Variants in UBE4B observed in about 807,000 individuals in gnomAD.
The protein encoded by UBE4B is ubiquitination factor E4B, also known as ubiquitin conjugation factor E4 B.
A neutral mutation model predicts 148.1 loss-of-function variants in UBE4B; 27 were observed. That is an observed-to-expected ratio of 0.18 (90% CI 0.13 to 0.25). The LOEUF (loss-of-function observed/expected upper bound fraction) is 0.25. UBE4B is among the 10% of genes least tolerant of loss of function. The pLI, the probability that UBE4B is intolerant of heterozygous loss-of-function variation, is 1.00. For missense variants in UBE4B, 1,170 were observed against 1,662.4 expected, an observed-to-expected ratio of 0.70 and a Z score of 5.15; for synonymous variants, 596 against 619.3, an observed-to-expected ratio of 0.96 and a Z score of 0.56.
chr1:10,105,293 C>T (rs533839261), intron 5 of UBE4B, among the ~76,000 whole-genome samples: 3 of 152,262 alleles, frequency 2.0e-5, no homozygotes, highest in African/African-American at 4.8e-5. Context: ...TTTCCCCTGA[C>T]GTTAATATCT....
intron 18 of UBE4B, 142 bp downstream of exon 18, chr1:10,145,181 A>ATTGG: frequency 1.7e-6 from 1 of 589,680 alleles, no homozygotes; most frequent in Non-Finnish European, 2.9e-6. Flanking sequence ...AGTATATTTT[A>ATTGG]AAACTTGTTG....
At chr1:10,167,073 A>C (rs796702319) in intron 23 of UBE4B, among the ~76,000 whole-genome samples, 1 of 150,508 alleles carries the variant, frequency 6.6e-6, no homozygotes, top group Non-Finnish European at 1.5e-5. Context: ...CGGAGGTTAC[A>C]GTGAGCCGAG....
chr1:10,073,920 A>ATTTTTTTTTTTTTTTTTTTTTTTTTTT, intron 2 of UBE4B, among the ~76,000 whole-genome samples: 1 of 74,850 alleles, frequency 1.3e-5, no homozygotes, highest in Non-Finnish European at 2.5e-5. Context: ...CTTTCTTTCT[A>ATTTTTTTTTTTTTTTTTTTTTTTTTTT]TTTTTTTTTT....
At chr1:10,160,344 G>A (rs1305540951) in intron 22 of UBE4B, among the ~76,000 whole-genome samples, 1 of 152,100 alleles carries the variant, frequency 6.6e-6, no homozygotes, top group African/African-American at 2.4e-5. Flanking sequence ...TTAATTATTT[G>A]CATTTTCTTG....
At chr1:10,087,716 C>T (rs1332828836) in intron 2 of UBE4B, among the ~76,000 whole-genome samples, 3 of 152,196 alleles carry the variant, frequency 2.0e-5, no homozygotes, top group Non-Finnish European at 2.9e-5. Flanking sequence ...AACATCATCA[C>T]ATGCTTGAGT....
chr1:10,089,924 G>A (rs527884038), intron 2 of UBE4B, among the ~76,000 whole-genome samples: 12 of 151,892 alleles, frequency 7.9e-5, no homozygotes, highest in Admixed American at 3.3e-4. Context: ...GGCTGGTCTC[G>A]AACTCCTTGA....
intron 23 of UBE4B, among the ~76,000 whole-genome samples, chr1:10,165,964 G>A (rs1322656263): frequency 6.6e-6 from 1 of 152,182 alleles, no homozygotes; most frequent in East Asian, 1.9e-4. Context: ...GGCCTGTTGA[G>A]ACACCCAGGT....
rs1423252895 is a variant in UBE4B at position 10,101,537 on chromosome 1, C to G, written c.435+342C>G. Among the ~76,000 whole-genome samples the G allele has an allele frequency of 5.5e-4, 60 of 108,462 alleles. 1 individual carries two copies. The highest frequency in any genetic ancestry group is 3.0e-3 in the Admixed American group (20 of 6,752). The allele number at this position is 108,462 out of a possible 152,430, so 71.2% of individuals were successfully genotyped here. A position where few individuals can be genotyped will look rare whatever the true frequency, so the allele number is the denominator to read the frequency against. On this transcript the variant is annotated intron_variant, in intron 4 of 27. Transcript: ENST00000343090. ...TTTTTTTTTTTTTTTGAGACAGAGTCTCGCTCTGTCGCCCAGGCTGGAGTG... is the reference window on the plus strand; with the variant it reads ...TTTTTTTTTTTTTTTGAGACAGAGTGTCGCTCTGTCGCCCAGGCTGGAGTG...
At chr1:10,038,003 G>A (rs566702981) in intron 1 of UBE4B, among the ~76,000 whole-genome samples, 15 of 152,224 alleles carry the variant, frequency 9.9e-5, no homozygotes, top group East Asian at 1.9e-4. Context: ...AGTGTTGGCC[G>A]GGCGCAGTGG....
At chr1:10,072,516 A>C (rs1270326123) in intron 2 of UBE4B, 3 of 713,990 alleles carry the variant, frequency 4.2e-6, no homozygotes, top group East Asian at 5.4e-5. Context: ...TGATTTTATG[A>C]ATTTGGTTGA....
chr1:10,109,965 C>T (rs1570908468), intron 7 of UBE4B, among the ~76,000 whole-genome samples: 1 of 152,164 alleles, frequency 6.6e-6, no homozygotes, highest in East Asian at 1.9e-4. Flanking sequence ...TCCCAAATTG[C>T]TGGGATTACA....
intron 10 of UBE4B, among the ~76,000 whole-genome samples, chr1:10,123,157 G>A (rs1325918847): frequency 2.0e-5 from 3 of 152,086 alleles, no homozygotes; most frequent in Non-Finnish European, 2.9e-5. Flanking sequence ...TCGGCCGGGC[G>A]CAGTGGCTCA....
chr1:10,069,801 G>T (rs1021887617), intron 1 of UBE4B, among the ~76,000 whole-genome samples: 1 of 152,080 alleles, frequency 6.6e-6, no homozygotes, highest in African/African-American at 2.4e-5. Context: ...CCCCTCGGCC[G>T]ATGATTTCAT....
At chr1:10,152,259 A>AAATAAT (rs60838123) in intron 21 of UBE4B, among the ~76,000 whole-genome samples, 6,185 of 141,244 alleles carry the variant, frequency 0.044, 171 homozygotes, top group Admixed American at 0.084. Flanking sequence ...ACTCCGTCTC[A>AAATAAT]AATAATAATA....
rs865931742 is a variant in UBE4B at position 10,106,735 on chromosome 1, C to T, written c.1196+152C>T. 1.9e-6 allele frequency: 2 copies of T among 1,079,868 alleles called. No individual in the cohort carries two copies. The highest frequency in any genetic ancestry group is 3.1e-4 in the Middle Eastern group (1 of 3,188). 66.9% of individuals were successfully genotyped at this position (1,079,868 alleles called of 1,614,324 possible). ...GGCTAACTAGTTTGGTAGGCACGTA[C>T]TCTGAGTCCATGCTTCTGCCAGGCT... On this transcript the variant is annotated intron_variant, in intron 7 of 27. Transcript: ENST00000343090. This position sits in a 1 kb window ranked among gnomAD's most constrained non-coding sequence, Gnocchi z 4.2.
intron 25 of UBE4B, among the ~76,000 whole-genome samples, chr1:10,177,804 C>T (rs1571044186): frequency 1.3e-5 from 2 of 152,176 alleles, no homozygotes; most frequent in African/African-American, 2.4e-5. Flanking sequence ...ATACAAACTA[C>T]AGCATACTTT....
At chr1:10,076,497 G>C (rs1644584762) in intron 2 of UBE4B, among the ~76,000 whole-genome samples, 2 of 151,766 alleles carry the variant, frequency 1.3e-5, no homozygotes, top group Non-Finnish European at 2.9e-5. Context: ...ACCTGCCTCG[G>C]CCTCCCAAAA....
intron 21 of UBE4B, 129 bp from the exon 22 acceptor site, chr1:10,158,226 GA>G: frequency 8.3e-7 from 1 of 1,201,924 alleles, no homozygotes; most frequent in Non-Finnish European, 1.2e-6. Context: ...ACATGCAAAA[GA>G]AGTGCAAAAT....
At chr1:10,160,185 AG>A (rs1029442225) in intron 22 of UBE4B, among the ~76,000 whole-genome samples, 10 of 152,350 alleles carry the variant, frequency 6.6e-5, no homozygotes, top group African/African-American at 2.4e-4. Context: ...CACGATCTGC[AG>A]AACAGTTCCT....
Sources: allele counts gnomAD v4.1 joint callset (sites outside exome capture counted in the v4.1 genomes callset), GRCh38; gene constraint gnomAD v4.1.1; non-coding constraint Gnocchi (gnomAD v3.1); transcripts MANE v1.5; gene names NCBI Gene and HGNC (gene_info 2026-07-23, HGNC 2026-07-21).